Variants in CAMTA1 observed in about 807,000 individuals in gnomAD.
CAMTA1 encodes calmodulin binding transcription activator 1.
CAMTA1 carries 27 observed loss-of-function variants against 170.9 expected under a neutral mutation model. The ratio of observed to expected loss-of-function variants is 0.16; its 90% CI spans 0.12 to 0.22. CAMTA1 has a LOEUF of 0.22. Ranked by LOEUF, CAMTA1 falls within the 10% of genes least tolerant of loss-of-function variation. The probability of loss-of-function intolerance (pLI) is 1.00; values close to 1 mark genes in which losing one functional copy is unlikely to be tolerated. For synonymous variants in CAMTA1, 833 were observed against 891.5 expected (o/e 0.93, Z 1.17); for missense variants, 1,619 against 2,217.2 (o/e 0.73, Z 5.42).
At chr1:7,394,882 C>CTTT (rs56830110) in intron 5 of CAMTA1, among the ~76,000 whole-genome samples, 13 of 136,724 alleles carry the variant, frequency 9.5e-5, no homozygotes, top group Non-Finnish European at 1.6e-4. Flanking sequence ...CTTTTTTTTT[C>CTTT]TTTTTTTTTT....
intron 6 of CAMTA1, among the ~76,000 whole-genome samples, chr1:7,558,422 G>T (rs1349288101): frequency 6.6e-6 from 1 of 152,232 alleles, no homozygotes; most frequent in Non-Finnish European, 1.5e-5. Context: ...AGCCATCCAG[G>T]ACAGGGTGCC....
chr1:7,755,731 C>T (rs2096927171), intron 22 of CAMTA1, 63 bp downstream of exon 22: 2 of 1,439,768 alleles, frequency 1.4e-6, no homozygotes, highest in South Asian at 1.1e-5. Flanking sequence ...TTGCTTTTTG[C>T]TTGCTTGCAT....
intron 3 of CAMTA1, among the ~76,000 whole-genome samples, chr1:7,006,847 A>G (rs1194288952): frequency 6.6e-6 from 1 of 152,054 alleles, no homozygotes. Flanking sequence ...TCTTCATGAC[A>G]TCAACCAGTG....
chr1:6,982,956 A>G (rs1173028539), intron 3 of CAMTA1, among the ~76,000 whole-genome samples: 2 of 152,108 alleles, frequency 1.3e-5, no homozygotes, highest in Non-Finnish European at 2.9e-5. Flanking sequence ...AGTAGGGTGG[A>G]GGGAGGATTA....
intron 4 of CAMTA1, among the ~76,000 whole-genome samples, chr1:7,116,459 G>C (rs75853599): frequency 0.013 from 1,955 of 152,124 alleles, 40 homozygotes; most frequent in African/African-American, 0.044. Context: ...TTCTCATTTA[G>C]ATTTCTTCAA....
chr1:6,895,545 G>C (rs1675447931), intron 3 of CAMTA1, among the ~76,000 whole-genome samples: 1 of 152,212 alleles, frequency 6.6e-6, no homozygotes, highest in African/African-American at 2.4e-5. Context: ...ACCCTACAGT[G>C]ACTTTCTATC....
intron 3 of CAMTA1, among the ~76,000 whole-genome samples, chr1:6,907,385 C>T (rs900092302): frequency 2.0e-5 from 3 of 152,146 alleles, no homozygotes; most frequent in South Asian, 2.1e-4. Flanking sequence ...GCCCTCCCCC[C>T]GCTGTCCCGT....
chr1:7,340,953 A>C (rs1299247355), intron 5 of CAMTA1, among the ~76,000 whole-genome samples: 2 of 152,220 alleles, frequency 1.3e-5, no homozygotes, highest in African/African-American at 2.4e-5. Context: ...TATGGTATTC[A>C]TAAGCCTAGG....
At chr1:7,343,142 C>A (rs1359883938) in intron 5 of CAMTA1, among the ~76,000 whole-genome samples, 1 of 152,236 alleles carries the variant, frequency 6.6e-6, no homozygotes, top group African/African-American at 2.4e-5. Flanking sequence ...CCCAAACTTT[C>A]CTTTCAGGAC....
intron 5 of CAMTA1, among the ~76,000 whole-genome samples, chr1:7,295,132 A>G (rs1673736579): frequency 1.3e-5 from 2 of 152,166 alleles, no homozygotes; most frequent in South Asian, 2.1e-4. Flanking sequence ...GCAGTTATGT[A>G]ACCTTCTGGC....
intron 11 of CAMTA1, among the ~76,000 whole-genome samples, chr1:7,713,553 T>C (rs1266217328): frequency 1.3e-5 from 2 of 152,302 alleles, no homozygotes; most frequent in Middle Eastern, 3.4e-3. Context: ...CTTCCCTTAA[T>C]GAGGTGTAAA....
chr1:7,764,915 G>A (rs904933301), intron 22 of CAMTA1, among the ~76,000 whole-genome samples: 9 of 151,222 alleles, frequency 6.0e-5, no homozygotes, highest in African/African-American at 1.9e-4. Context: ...AGCCGAGATC[G>A]CACCACTGCA....
intron 22 of CAMTA1, among the ~76,000 whole-genome samples, chr1:7,765,224 A>G (rs1178347590): frequency 1.3e-5 from 2 of 152,204 alleles, no homozygotes; most frequent in Non-Finnish European, 2.9e-5. Flanking sequence ...CTTACACCAC[A>G]TGCATTGCCT....
At position 7,242,374 on chromosome 1, in the gene CAMTA1, G is replaced by A. The variant is rs568514386; in HGVS notation, c.303-7117G>A. On this transcript the variant is annotated intron_variant, in intron 4 of 22. Coordinates refer to ENST00000303635, the MANE Select transcript of CAMTA1 (RefSeq NM_015215.4). Reference sequence around the variant, plus strand: ...GTGCTGCCATGTTGGAAAACAGTCTGGCAGTTTTATTTTTATCTAATAAGA... The same window carrying A: ...GTGCTGCCATGTTGGAAAACAGTCTAGCAGTTTTATTTTTATCTAATAAGA... Among the ~76,000 whole-genome samples, 36 of 152,258 alleles carry A rather than the reference G, an allele frequency of 2.4e-4. No individual in the cohort carries two copies. The South Asian group carries it at 7.3e-3, about 31-fold the overall frequency.
At position 7,732,705 on chromosome 1, in the gene CAMTA1, G is replaced by A. The variant is rs991013234; in HGVS notation, c.3066+106G>A. 2.1e-6 allele frequency: 3 copies of A among 1,434,244 alleles called. No homozygotes were observed. The African/African-American group carries it at 4.3e-5, about 21-fold the overall frequency. 88.8% of individuals were successfully genotyped at this position (1,434,244 alleles called of 1,614,324 possible). Reference sequence around the variant, plus strand: ...CTTCTCTGCTGCTGATGCGGTCCCTGTATTCAGGCAGAAGGCCTGAGGGAG... The same window carrying A: ...CTTCTCTGCTGCTGATGCGGTCCCTATATTCAGGCAGAAGGCCTGAGGGAG... On this transcript the variant is annotated intron_variant, in intron 12 of 22. Transcript: ENST00000303635. This position sits in a 1 kb window ranked among gnomAD's most constrained non-coding sequence, Gnocchi z 4.1.
At chr1:7,487,961 G>A (rs1418952643) in intron 6 of CAMTA1, among the ~76,000 whole-genome samples, 6 of 152,040 alleles carry the variant, frequency 3.9e-5, no homozygotes, top group Admixed American at 1.3e-4. Context: ...GTCGTTTGCC[G>A]CCACCTCCCA....
chr1:7,348,616 T>C (rs1048986516), intron 5 of CAMTA1, among the ~76,000 whole-genome samples: 8 of 152,282 alleles, frequency 5.3e-5, no homozygotes, highest in African/African-American at 1.9e-4. Context: ...TCCAACTAAG[T>C]GGAATTGTCA....
intron 3 of CAMTA1, among the ~76,000 whole-genome samples, chr1:7,031,634 G>A (rs1702810474): frequency 6.6e-6 from 1 of 152,114 alleles, no homozygotes; most frequent in South Asian, 2.1e-4. Context: ...CCGCCTCCCG[G>A]GTTCAAGTGA....
rs1292607968 is a variant in CAMTA1 at position 7,224,385 on chromosome 1, A to G, written c.303-25106A>G. On this transcript the variant is annotated intron_variant, in intron 4 of 22. Transcript: ENST00000303635. The surrounding 1 kb of genome is among the most constrained non-coding windows in gnomAD (Gnocchi z 5.2). ...CAGTTGGCAAGGGCGCCACAGCTGG[A>G]TGGCTCAGCGTCCACCCAAAGGGAA... 1.3e-5 allele frequency among the ~76,000 whole-genome samples: 2 copies of G among 152,160 alleles called. No homozygotes were observed. Among genetic ancestry groups the G allele is most frequent in the East Asian group, 1.9e-4 (1 of 5,194 alleles).
Sources: gnomAD v4.1 joint callset for allele counts (sites outside exome capture counted in the v4.1 genomes callset) on GRCh38, gnomAD v4.1.1 for gene constraint, Gnocchi (gnomAD v3.1) non-coding constraint, MANE v1.5 for transcripts, NCBI Gene and HGNC (gene_info 2026-07-23, HGNC 2026-07-21) for gene names.